DQX1: variants seen among roughly 807,000 people sequenced by gnomAD.
DQX1 encodes the protein DEAQ-box RNA dependent ATPase 1, also known as ATP-dependent RNA helicase homolog DQX1.
In DQX1, 66 loss-of-function variants were observed where a neutral mutation model predicts 81.3. The ratio of observed to expected loss-of-function variants is 0.81; its 90% CI spans 0.67 to 1.00. The LOEUF (loss-of-function observed/expected upper bound fraction) is 1.00. DQX1 is among the 50% of genes least tolerant of loss of function. DQX1 has a pLI of 0.00. For synonymous variants in DQX1, 290 were observed against 350.0 expected (o/e 0.83, Z 1.91); for missense variants, 798 against 867.9 (o/e 0.92, Z 1.01).
At position 74,518,234 on chromosome 2, in the gene DQX1, G is replaced by A; in HGVS notation, c.*212C>T. Reference sequence around the variant, plus strand: ...ATGTCAGTCCCTCTCCAATCAATAAGAGAAGGCTAAGGAAAGAGTCCTTCC... The same window carrying A: ...ATGTCAGTCCCTCTCCAATCAATAAAAGAAGGCTAAGGAAAGAGTCCTTCC... On this transcript the variant is annotated 3_prime_UTR_variant, in exon 12 of 12. Transcript: ENST00000404568. 1 of 526,294 alleles carries A rather than the reference G, an allele frequency of 1.9e-6. No individual in the cohort carries two copies. The highest frequency in any genetic ancestry group is 3.3e-6 in the Non-Finnish European group (1 of 306,124). 32.6% of individuals were successfully genotyped at this position (526,294 alleles called of 1,614,324 possible).
chr2:74,518,553 C>T lies in DQX1; in HGVS notation c.2047G>A (p.Glu683Lys). The change falls in exon 12 of 12, where the codon GAG (glutamate) becomes AAG (lysine). Residue 683 changes from glutamate (E) to lysine (K), a missense_variant. Physicochemically the swap from Glu to Lys is moderately conservative, Grantham distance 56. Transcript: ENST00000404568. The part of the protein sequence containing the change: ...PYFLSNLPPS[E>K]SRDLLNQLRE... ...AGCTGGTTCAGAAGGTCTCTGCTCTCACTGGGAGGCAAGTTACTCAGGAAG... is the reference window on the plus strand; with the variant it reads ...AGCTGGTTCAGAAGGTCTCTGCTCTTACTGGGAGGCAAGTTACTCAGGAAG... 1 of 1,614,206 alleles carries T rather than the reference C, an allele frequency of 6.2e-7. No homozygotes were observed. The highest frequency in any genetic ancestry group is 1.3e-5 in the African/African-American group (1 of 75,060).
chr2:74,520,155 A>T, intron 8 of DQX1, 121 bp from the exon 9 acceptor site: 1 of 1,318,780 alleles, frequency 7.6e-7, no homozygotes, highest in South Asian at 1.4e-5. Context: ...AAAGACATAG[A>T]TAACTTCTAG....
At position 74,519,052 on chromosome 2, in the gene DQX1, A is replaced by G; in HGVS notation, c.1985T>C (p.Ile662Thr). Residue 662 changes from isoleucine (I) to threonine (T), a missense_variant, in exon 11 of 12, where the codon ATT becomes ACT. By Grantham distance (89) the Ile-to-Thr change is moderately conservative. Coordinates refer to ENST00000404568, the MANE Select transcript of DQX1 (RefSeq NM_133637.3). ...KDNCLSIVSE[I>T]QPQMLVELAP... ...TCAGGGAACTCACATCTGTGGTTGA[A>G]TCTCAGAAACAATGGAAAGGCAGTT... 1 of 1,584,246 alleles carries G rather than the reference A, an allele frequency of 6.3e-7. No individual in the cohort carries two copies. Among genetic ancestry groups the G allele is most frequent in the East Asian group, 2.2e-5 (1 of 44,518 alleles).
chr2:74,519,413 AAT>A, intron 10 of DQX1, 141 bp downstream of exon 10: 1 of 1,328,784 alleles, frequency 7.5e-7, no homozygotes, highest in Non-Finnish European at 1.0e-6. Flanking sequence ...TTGTACCTCA[AAT>A]CCTCAAGGGA....
chr2:74,518,284 T>A lies in DQX1; in HGVS notation c.*162A>T. ...CCTATGTAGACTGTGGTTTACCCCA[T>A]TCTTTCCATTCCCAGTCTACCATTT... On this transcript the variant is annotated 3_prime_UTR_variant, in exon 12 of 12. Transcript: ENST00000404568. The A allele has an allele frequency of 2.6e-6, 2 of 778,066 alleles. No homozygotes were observed. Among genetic ancestry groups the A allele is most frequent in the Non-Finnish European group, 4.0e-6 (2 of 497,870 alleles). 48.2% of individuals were successfully genotyped at this position (778,066 alleles called of 1,614,324 possible).
chr2:74,519,011 C>T (rs989904907), intron 11 of DQX1, 29 bp downstream of exon 11: 47 of 1,515,224 alleles, frequency 3.1e-5, no homozygotes, highest in Non-Finnish European at 3.9e-5. Context: ...GAGGAATAGG[C>T]AGTATAGGAG....
In DQX1 at chr2:74,525,624, A is replaced by G. The variant is rs1231431516; in HGVS notation, c.106T>C (p.Tyr36His). ...GCTTGGCGCTGCTTCAGCAGCTCAT[A>G]GTAGCGGGAAGAGAAGGGAAGCCCA... ...FDGLPFSSRY[Y>H]ELLKQRQALP... The change falls in exon 2 of 12, where the codon TAT (tyrosine) becomes CAT (histidine). Residue 36 changes from tyrosine to histidine, a missense_variant. By Grantham distance (83) the Tyr-to-His change is moderately conservative. Coordinates refer to ENST00000404568, the MANE Select transcript of DQX1 (RefSeq NM_133637.3). This position sits in a 1 kb window ranked among gnomAD's most constrained non-coding sequence, Gnocchi z 4.1. 6.4e-7 allele frequency: 1 copy of G among 1,551,830 alleles called. No individual in the cohort carries two copies. The highest frequency in any genetic ancestry group is 1.2e-5 in the South Asian group (1 of 84,062).
intron 4 of DQX1, 22 bp downstream of exon 4, chr2:74,523,901 T>G (rs1289489464): frequency 2.0e-6 from 3 of 1,525,488 alleles, no homozygotes; most frequent in Non-Finnish European, 2.6e-6. Flanking sequence ...GGCTGTTTTT[T>G]TTGTTTTGTT....
Position 74,525,439 on chromosome 2 carries a change from G to T in DQX1, c.237+54C>A. 1 of 1,518,328 alleles carries T rather than the reference G, an allele frequency of 6.6e-7. No homozygotes were observed. Among genetic ancestry groups the T allele is most frequent in the South Asian group, 1.2e-5 (1 of 82,328 alleles). The allele number at this position is 1,518,328 out of a possible 1,614,324, so 94.1% of individuals were successfully genotyped here. A position where few individuals can be genotyped will look rare whatever the true frequency, so the allele number is the denominator to read the frequency against. ...GCCACTTTCCCTTTGTCCTCCCTTT[G>T]TCCTCCCTTTGTCCACTCCCAGAAT... On this transcript the variant is annotated intron_variant, in intron 2 of 11. Coordinates refer to ENST00000404568, the MANE Select transcript of DQX1 (RefSeq NM_133637.3). This position sits in a 1 kb window ranked among gnomAD's most constrained non-coding sequence, Gnocchi z 4.1.
intron 10 of DQX1, 24 bp downstream of exon 10, chr2:74,519,532 C>T (rs765601572): frequency 2.5e-6 from 4 of 1,611,126 alleles, no homozygotes; most frequent in Non-Finnish European, 3.4e-6. Flanking sequence ...TTTGATCACC[C>T]TCACCCCCAC....
chr2:74,520,322 AC>A (rs1486686987), intron 8 of DQX1, among the ~76,000 whole-genome samples: 1 of 152,236 alleles, frequency 6.6e-6, no homozygotes, highest in Non-Finnish European at 1.5e-5. Context: ...AGAGGAGGAT[AC>A]CTAATCCAGG....
chr2:74,518,369 C>A lies in DQX1; in HGVS notation c.*77G>T. ...CTAAACTTTGGGCTTCTAAATCTGT[C>A]TGGGTGCTTTGGTGTCACCCTGAGG... On this transcript the variant is annotated 3_prime_UTR_variant, in exon 12 of 12. Coordinates refer to ENST00000404568, the MANE Select transcript of DQX1 (RefSeq NM_133637.3). 6.5e-7 allele frequency: 1 copy of A among 1,549,272 alleles called. No homozygotes were observed. The highest frequency in any genetic ancestry group is 1.2e-5 in the South Asian group (1 of 82,716).
rs747438567 is a variant in DQX1, at chr2:74,524,087, T to G, written c.652A>C (p.Asn218His). 1 of 1,614,030 alleles carries G rather than the reference T, an allele frequency of 6.2e-7. No individual in the cohort carries two copies. The highest frequency in any genetic ancestry group is 1.3e-5 in the African/African-American group (1 of 74,902). ...LEPKLRAFWG[N>H]PPIVHIPREP... is the part of the protein sequence containing the mutation. ...CTGGGTATATGCACAATAGGAGGAT[T>G]GCCCCAGAAAGCTCGGAGCTTAGGT... The change falls in exon 4 of 12, where the codon AAT becomes CAT. Residue 218 changes from asparagine (N) to histidine (H), a missense_variant. Asn to His is a moderately conservative substitution (Grantham distance 68). Coordinates refer to ENST00000404568, the MANE Select transcript of DQX1 (RefSeq NM_133637.3).
At chr2:74,523,561 A>T in intron 4 of DQX1, 24 bp from the exon 5 acceptor site, 8 of 1,555,856 alleles carry the variant, frequency 5.1e-6, no homozygotes, top group South Asian at 1.1e-5. Context: ...TGGGTGGGGC[A>T]TTAGGGCAGT....
chr2:74,522,795 G>A, intron 7 of DQX1, 24 bp from the exon 8 acceptor site: 1 of 1,613,406 alleles, frequency 6.2e-7, no homozygotes, highest in Non-Finnish European at 8.5e-7. Context: ...AGGGCTTACA[G>A]GATATGAAGT....
chr2:74,523,753 A>G, intron 4 of DQX1, 170 bp downstream of exon 4: 1 of 1,150,378 alleles, frequency 8.7e-7, no homozygotes, highest in Admixed American at 2.9e-5. Context: ...TTACCCTGAA[A>G]TCCTCAAGTT....
intron 10 of DQX1, 109 bp from the exon 11 acceptor site, chr2:74,519,339 G>A: frequency 1.5e-6 from 2 of 1,337,536 alleles, no homozygotes; most frequent in Admixed American, 2.5e-5. Flanking sequence ...AGCATGAAAA[G>A]TAAAGCATTA....
At chr2:74,524,970 G>A (rs1572986472) in intron 3 of DQX1, 39 bp downstream of exon 3, 14 of 1,583,236 alleles carry the variant, frequency 8.8e-6, no homozygotes, top group East Asian at 2.3e-5. Context: ...TACTGAATAA[G>A]GGGAATTATA....
Position 74,518,402 on chromosome 2 carries a change from T to A in DQX1, c.*44A>T, listed in dbSNP as rs1410696991. Reference sequence around the variant, plus strand: ...TTTGGTGTCACCCTGAGGGATAATCTAATGTGATGAGATGAACCCAGCTCC... The same window carrying A: ...TTTGGTGTCACCCTGAGGGATAATCAAATGTGATGAGATGAACCCAGCTCC... On this transcript the variant is annotated 3_prime_UTR_variant, in exon 12 of 12. Transcript: ENST00000404568. 3.7e-6 allele frequency: 6 copies of A among 1,604,466 alleles called. No homozygotes were observed. The South Asian group carries it at 6.6e-5, about 18-fold the overall frequency.
Sources: gnomAD v4.1 joint callset for allele counts (sites outside exome capture counted in the v4.1 genomes callset) on GRCh38, gnomAD v4.1.1 for gene constraint, Gnocchi (gnomAD v3.1) non-coding constraint, MANE v1.5 for transcripts, NCBI Gene and HGNC (gene_info 2026-07-23, HGNC 2026-07-21) for gene names.